The following DLGAP2 variants were observed in gnomAD, a reference collection of about 807,000 sequenced individuals.
The protein encoded by DLGAP2 is DLG associated protein 2, also known as disks large-associated protein 2.
DLGAP2 carries 26 observed loss-of-function variants against 100.3 expected under a neutral mutation model. The observed-to-expected ratio is 0.26, with a 90% CI of 0.19 to 0.36. DLGAP2 has a LOEUF of 0.36. DLGAP2 is among the 10% of genes least tolerant of loss of function. DLGAP2 has a pLI of 1.00. For synonymous variants in DLGAP2, 886 were observed against 630.1 expected (o/e 1.41, Z -6.08); for missense variants, 1,858 against 1,453.2 (o/e 1.28, Z -4.53).
At chr8:791,274 C>T (rs1043316633) in intron 1 of DLGAP2, among the ~76,000 whole-genome samples, 4 of 152,182 alleles carry the variant, frequency 2.6e-5, no homozygotes, top group African/African-American at 4.8e-5. Context: ...AACCTCACTT[C>T]CCATTTCTGG....
chr8:998,335 C>G (rs905484674), intron 2 of DLGAP2, among the ~76,000 whole-genome samples: 1 of 152,186 alleles, frequency 6.6e-6, no homozygotes, highest in Non-Finnish European at 1.5e-5. Flanking sequence ...GGGTCTTGCT[C>G]TGTCACCCAG....
rs147535969 is a variant in DLGAP2 at position 799,715 on chromosome 8, G to A, written c.18+61890G>A. 4.8e-3 allele frequency among the ~76,000 whole-genome samples: 723 copies of A among 152,204 alleles called. 3 individuals are homozygous for A. Among genetic ancestry groups the A allele is most frequent in the Middle Eastern group, 0.01 (3 of 294 alleles). ...AGGCTCAAGTCATCTTCCCACATCC[G>A]TCTCTTGAGTAGCTGGGACCATGGG... On this transcript the variant is annotated intron_variant, in intron 1 of 14. Coordinates refer to ENST00000637795, the MANE Select transcript of DLGAP2 (RefSeq NM_001346810.2).
chr8:1,413,410 A>C (rs556123237), intron 3 of DLGAP2, among the ~76,000 whole-genome samples: 1 of 152,244 alleles, frequency 6.6e-6, no homozygotes, highest in Non-Finnish European at 1.5e-5. Context: ...ATGCTCAAGA[A>C]GCATAAAAAA....
intron 3 of DLGAP2, among the ~76,000 whole-genome samples, chr8:1,274,251 C>T (rs1039862152): frequency 6.6e-6 from 1 of 152,070 alleles, no homozygotes. Context: ...ATTGTGAACT[C>T]TTCCCCACCC....
At chr8:1,434,385 G>A (rs2130015959) in intron 3 of DLGAP2, among the ~76,000 whole-genome samples, 1 of 152,254 alleles carries the variant, frequency 6.6e-6, no homozygotes, top group Admixed American at 6.5e-5. Flanking sequence ...CCACCTGCCT[G>A]GCCCATCTCC....
At chr8:1,594,370 A>G (rs1018980912) in intron 6 of DLGAP2, among the ~76,000 whole-genome samples, 16 of 152,158 alleles carry the variant, frequency 1.1e-4, no homozygotes, top group African/African-American at 3.9e-4. Flanking sequence ...CAAAATGAGA[A>G]TTTAAGTAAA....
chr8:1,700,905 G>A (rs1229329778), intron 14 of DLGAP2, among the ~76,000 whole-genome samples: 1 of 152,260 alleles, frequency 6.6e-6, no homozygotes, highest in Non-Finnish European at 1.5e-5. Context: ...GAGACGCAAG[G>A]TGCGAATCTG....
In DLGAP2 at chr8:1,682,780, T is replaced by C. The variant is rs561107590; in HGVS notation, c.2704+4151T>C. Among the ~76,000 whole-genome samples the C allele has an allele frequency of 1.0e-3, 154 of 151,808 alleles. 7 individuals are homozygous for C. Among genetic ancestry groups the C allele is most frequent in the Non-Finnish European group, 1.9e-3 (127 of 67,760 alleles). On this transcript the variant is annotated intron_variant, in intron 12 of 14. Transcript: ENST00000637795. ...TGAACCACCATGCCCAGCCAGGATA[T>C]CTAGTATTTCAGTGTCACTTACCTT...
intron 1 of DLGAP2, among the ~76,000 whole-genome samples, chr8:757,694 T>G (rs936774560): frequency 6.6e-6 from 1 of 152,216 alleles, no homozygotes; most frequent in Admixed American, 6.5e-5. Flanking sequence ...GTCTTTGAAT[T>G]AAAGATTGTG....
chr8:940,129 G>C (rs967880978), intron 2 of DLGAP2, among the ~76,000 whole-genome samples: 3 of 152,098 alleles, frequency 2.0e-5, no homozygotes, highest in Non-Finnish European at 4.4e-5. Context: ...GGCGTGGGGC[G>C]TGGGGCCTGA....
chr8:1,254,378 A>G (rs6993471), intron 2 of DLGAP2, among the ~76,000 whole-genome samples: 12,870 of 151,818 alleles, frequency 0.085, 1,597 homozygotes, highest in African/African-American at 0.27. Flanking sequence ...CCTGACATGC[A>G]TGTTCACTCC....
intron 2 of DLGAP2, among the ~76,000 whole-genome samples, chr8:924,178 C>G (rs1798768537): frequency 6.6e-6 from 1 of 152,186 alleles, no homozygotes; most frequent in African/African-American, 2.4e-5. Flanking sequence ...GGAGCAACAC[C>G]AGCTACGTCC....
At chr8:1,033,553 A>G (rs1039297277) in intron 2 of DLGAP2, among the ~76,000 whole-genome samples, 5 of 152,198 alleles carry the variant, frequency 3.3e-5, no homozygotes, top group African/African-American at 1.2e-4. Context: ...CTGTAGTCCC[A>G]GCTACTAGGG....
chr8:1,322,978 C>G (rs142317769), intron 3 of DLGAP2, among the ~76,000 whole-genome samples: 1 of 152,068 alleles, frequency 6.6e-6, no homozygotes, highest in Non-Finnish European at 1.5e-5. Context: ...CCTTTGTCCC[C>G]TCCATGCCCC....
At chr8:1,088,448 A>C (rs898814110) in intron 2 of DLGAP2, among the ~76,000 whole-genome samples, 7 of 152,178 alleles carry the variant, frequency 4.6e-5, no homozygotes, top group Non-Finnish European at 7.4e-5. Flanking sequence ...TTGACCAGTA[A>C]CACTGCCGGA....
chr8:1,345,293 G>A (rs1801529772), intron 3 of DLGAP2, among the ~76,000 whole-genome samples: 1 of 104,852 alleles, frequency 9.5e-6, no homozygotes, highest in Non-Finnish European at 2.2e-5. Flanking sequence ...TGGAGGTTCA[G>A]TTCCTTCAGA....
At chr8:1,432,217 A>G (rs1797472216) in intron 3 of DLGAP2, among the ~76,000 whole-genome samples, 1 of 152,222 alleles carries the variant, frequency 6.6e-6, no homozygotes, top group Non-Finnish European at 1.5e-5. Context: ...ATTGCTGTAA[A>G]AGCCAGTGGC....
intron 1 of DLGAP2, among the ~76,000 whole-genome samples, chr8:869,751 C>T (rs1454713744): frequency 2.0e-5 from 3 of 152,192 alleles, no homozygotes; most frequent in Admixed American, 1.3e-4. Flanking sequence ...TTTTGGCAAG[C>T]CTGTTTCCCC....
At chr8:1,269,502 G>C (rs1799536171) in intron 3 of DLGAP2, among the ~76,000 whole-genome samples, 1 of 152,188 alleles carries the variant, frequency 6.6e-6, no homozygotes, top group Non-Finnish European at 1.5e-5. Context: ...GTCTGTTTAT[G>C]TGACTGGGAG....
Sources: gnomAD v4.1 joint callset for allele counts (sites outside exome capture counted in the v4.1 genomes callset) on GRCh38, gnomAD v4.1.1 for gene constraint, MANE v1.5 for transcripts, NCBI Gene and HGNC (gene_info 2026-07-23, HGNC 2026-07-21) for gene names.